Variants in MTUS2 observed in about 807,000 individuals in gnomAD.
MTUS2 encodes the protein microtubule-associated tumor suppressor candidate 2.
MTUS2 carries 40 observed loss-of-function variants against 114.1 expected under a neutral mutation model. That is an observed-to-expected ratio of 0.35 (90% CI 0.27 to 0.46). MTUS2 has a LOEUF of 0.46. Ranked by LOEUF, MTUS2 falls within the 20% of genes least tolerant of loss-of-function variation. MTUS2 has a pLI of 1.00. For missense variants in MTUS2, 1,679 were observed against 1,705.4 expected, an observed-to-expected ratio of 0.98 and a Z score of 0.27; for synonymous variants, 688 against 672.0, an observed-to-expected ratio of 1.02 and a Z score of -0.37.
intron 5 of MTUS2, among the ~76,000 whole-genome samples, chr13:29,125,468 TGAAA>T (rs1407855234): frequency 1.3e-5 from 2 of 152,306 alleles, no homozygotes; most frequent in East Asian, 1.9e-4. Flanking sequence ...TCTCCTAAAA[TGAAA>T]GAAGAAACGT....
At chr13:28,983,613 T>C (rs1289557018) in intron 2 of MTUS2, among the ~76,000 whole-genome samples, 1 of 152,230 alleles carries the variant, frequency 6.6e-6, no homozygotes, top group East Asian at 1.9e-4. Context: ...ATGGATGGCT[T>C]TCATTGTATT....
At chr13:28,980,488 T>C in intron 2 of MTUS2, among the ~76,000 whole-genome samples, 1 of 152,170 alleles carries the variant, frequency 6.6e-6, no homozygotes, top group East Asian at 1.9e-4. Context: ...CCTACTCCCC[T>C]TTTTACATAA....
chr13:29,383,368 A>G (rs1240643008), intron 8 of MTUS2, among the ~76,000 whole-genome samples: 1 of 152,096 alleles, frequency 6.6e-6, no homozygotes, highest in Non-Finnish European at 1.5e-5. Flanking sequence ...TGTGAGGTCT[A>G]TTTTAAGTTC....
chr13:29,399,586 A>G (rs575531375), intron 8 of MTUS2, among the ~76,000 whole-genome samples: 4 of 152,358 alleles, frequency 2.6e-5, no homozygotes, highest in African/African-American at 7.2e-5. Flanking sequence ...TAGATAATTC[A>G]TGAACTGAAA....
chr13:29,100,960 G>A lies in MTUS2; in HGVS notation c.2634G>A (p.Arg878=), dbSNP rs1266359371. The change falls in exon 5 of 16, where the codon CGG becomes CGA. Residue 878 remains arginine (R), a synonymous_variant. Coordinates refer to ENST00000612955, the MANE Select transcript of MTUS2 (RefSeq NM_001033602.4). ...SGDSAQPEQG[R]PATRSTFGNE... The stretch of plus-strand genomic sequence containing the variant: ...ACAGTGCACAGCCAGAGCAGGGCCG[G>A]CCAGCCACCCGTAAGTGGGGTGGGG... 1 of 1,562,748 alleles carries A rather than the reference G, an allele frequency of 6.4e-7. No homozygotes were observed. The highest frequency in any genetic ancestry group is 1.4e-5 in the African/African-American group (1 of 73,892).
Position 29,176,758 on chromosome 13 carries a change from ATATG to A in MTUS2, c.2644+75789_2644+75792del, listed in dbSNP as rs541042489. ...ATCACATTGAGAATTAGGTTTCAAC[ATATG>A]AATTTGGGGGCACCCCAAAATTCAG... On this transcript the variant is annotated intron_variant, in intron 5 of 15. Transcript: ENST00000612955. Among the ~76,000 whole-genome samples, 117 of 145,276 alleles carry A rather than the reference ATATG, an allele frequency of 8.1e-4. 2 individuals are homozygous for A. The highest frequency in any genetic ancestry group is 3.4e-3 in the Middle Eastern group (1 of 292).
chr13:29,164,521 G>T (rs1893234056), intron 5 of MTUS2, among the ~76,000 whole-genome samples: 1 of 152,192 alleles, frequency 6.6e-6, no homozygotes, highest in Admixed American at 6.5e-5. Context: ...TATTGACAGG[G>T]TTCTTGGGGA....
intron 7 of MTUS2, among the ~76,000 whole-genome samples, chr13:29,328,194 T>G (rs867078049): frequency 4.0e-5 from 4 of 99,598 alleles, no homozygotes; most frequent in African/African-American, 1.0e-4. Context: ...TTTCCATATA[T>G]GAAAATACAT....
intron 2 of MTUS2, among the ~76,000 whole-genome samples, chr13:28,887,249 T>C (rs1222168886): frequency 6.6e-6 from 1 of 152,212 alleles, no homozygotes; most frequent in East Asian, 1.9e-4. Context: ...TAGGCCTCTT[T>C]GGTGTATAAT....
At chr13:29,098,163 T>G (rs1253621842) in intron 4 of MTUS2, among the ~76,000 whole-genome samples, 1 of 152,168 alleles carries the variant, frequency 6.6e-6, no homozygotes, top group African/African-American at 2.4e-5. Flanking sequence ...GATATTTGAC[T>G]TATACTGTGG....
intron 8 of MTUS2, among the ~76,000 whole-genome samples, chr13:29,362,550 G>A (rs907686819): frequency 1.3e-4 from 20 of 151,986 alleles, no homozygotes; most frequent in Admixed American, 3.3e-4. Flanking sequence ...AGCCGAGTGT[G>A]GTGGCACGTG....
At chr13:29,172,220 T>G (rs1893593103) in intron 5 of MTUS2, among the ~76,000 whole-genome samples, 1 of 152,252 alleles carries the variant, frequency 6.6e-6, no homozygotes, top group Admixed American at 6.5e-5. Context: ...TTCAGTTTAC[T>G]GAGCCTCAAT....
chr13:29,101,037 T>C (rs958750668), intron 5 of MTUS2, 67 bp downstream of exon 5: 24 of 1,411,974 alleles, frequency 1.7e-5, no homozygotes, highest in African/African-American at 2.9e-5. Flanking sequence ...TGTAACTGTG[T>C]GTCATTTTCT....
chr13:29,054,938 G>A (rs73164582), intron 4 of MTUS2, among the ~76,000 whole-genome samples: 11,828 of 151,884 alleles, frequency 0.078, 775 homozygotes, highest in East Asian at 0.31. Flanking sequence ...CAGGGAACAC[G>A]CTTTGTTTAA....
intron 6 of MTUS2, among the ~76,000 whole-genome samples, chr13:29,316,966 A>C (rs1245706968): frequency 6.6e-6 from 1 of 152,206 alleles, no homozygotes; most frequent in Non-Finnish European, 1.5e-5. Flanking sequence ...TAATGAATTG[A>C]TCAGTGAATT....
At chr13:29,163,320 C>T (rs1566041006) in intron 5 of MTUS2, among the ~76,000 whole-genome samples, 3 of 152,104 alleles carry the variant, frequency 2.0e-5, no homozygotes, top group African/African-American at 4.8e-5. Flanking sequence ...CCCGTCCCCT[C>T]GGCAGGGGTT....
At chr13:29,091,091 A>AT (rs2138776992) in intron 4 of MTUS2, among the ~76,000 whole-genome samples, 1 of 151,994 alleles carries the variant, frequency 6.6e-6, no homozygotes, top group East Asian at 2.0e-4. Flanking sequence ...CCTCCTCATC[A>AT]GCCCCAGGGT....
chr13:29,113,160 G>A (rs182268030), intron 5 of MTUS2, among the ~76,000 whole-genome samples: 1 of 152,284 alleles, frequency 6.6e-6, no homozygotes, highest in East Asian at 1.9e-4. Context: ...AATATATAAT[G>A]TTTCTCAGGA....
At chr13:29,063,162 T>C (rs1272343851) in intron 4 of MTUS2, among the ~76,000 whole-genome samples, 1 of 152,212 alleles carries the variant, frequency 6.6e-6, no homozygotes, top group African/African-American at 2.4e-5. Context: ...GGCAGTACTT[T>C]TCTACACTGC....
Sources: gnomAD v4.1 joint callset for allele counts (sites outside exome capture counted in the v4.1 genomes callset) on GRCh38, gnomAD v4.1.1 for gene constraint, MANE v1.5 for transcripts, NCBI Gene and HGNC (gene_info 2026-07-23, HGNC 2026-07-21) for gene names.